The following KCNT2 variants were observed in gnomAD, a reference collection of about 807,000 sequenced individuals.
KCNT2 encodes potassium channel subfamily T member 2.
A neutral mutation model predicts 153.8 loss-of-function variants in KCNT2; 67 were observed. That is an observed-to-expected ratio of 0.44 (90% CI 0.36 to 0.53). The LOEUF is 0.53. Ranked by LOEUF, KCNT2 falls within the 20% of genes least tolerant of loss-of-function variation. KCNT2 has a pLI of 0.00. For missense variants in KCNT2, 975 were observed against 1,354.8 expected, an observed-to-expected ratio of 0.72 and a Z score of 4.40; for synonymous variants, 500 against 458.8, an observed-to-expected ratio of 1.09 and a Z score of -1.15.
chr1:196,253,260 C>G (rs1274881768), intron 26 of KCNT2, among the ~76,000 whole-genome samples: 1 of 151,348 alleles, frequency 6.6e-6, no homozygotes, highest in East Asian at 1.9e-4. Flanking sequence ...CCCTCCTTCT[C>G]TCTATACTGT....
At chr1:196,383,977 G>C (rs78432733) in intron 13 of KCNT2, among the ~76,000 whole-genome samples, 4,413 of 152,166 alleles carry the variant, frequency 0.029, 204 homozygotes, top group African/African-American at 0.098. Flanking sequence ...TTCTTATGTA[G>C]TTAACAATAC....
At chr1:196,533,016 C>T (rs1052374248) in intron 1 of KCNT2, among the ~76,000 whole-genome samples, 6 of 152,078 alleles carry the variant, frequency 3.9e-5, no homozygotes, top group African/African-American at 1.2e-4. Flanking sequence ...ATAATCAGCA[C>T]ATGCAGAGAT....
chr1:196,434,657 T>A (rs1674462352), intron 8 of KCNT2, among the ~76,000 whole-genome samples: 1 of 151,982 alleles, frequency 6.6e-6, no homozygotes. Context: ...TTTTGCAATA[T>A]AATATTCCTG....
chr1:196,560,397 T>C (rs1049047781), intron 1 of KCNT2, among the ~76,000 whole-genome samples: 2 of 151,986 alleles, frequency 1.3e-5, no homozygotes, highest in Non-Finnish European at 2.9e-5. Context: ...GTTGAAAATA[T>C]GGAGACTTCT....
At chr1:196,538,560 A>G (rs1329124819) in intron 1 of KCNT2, among the ~76,000 whole-genome samples, 1 of 152,176 alleles carries the variant, frequency 6.6e-6, no homozygotes, top group African/African-American at 2.4e-5. Flanking sequence ...TACAGACAAT[A>G]GTGGCTATGA....
At chr1:196,261,798 A>G (rs1657049516) in intron 25 of KCNT2, among the ~76,000 whole-genome samples, 1 of 151,936 alleles carries the variant, frequency 6.6e-6, no homozygotes, top group African/African-American at 2.4e-5. Flanking sequence ...CAGAACTCTG[A>G]CTTTTCTATT....
chr1:196,570,451 G>C (rs76089708), intron 1 of KCNT2, among the ~76,000 whole-genome samples: 8,776 of 152,044 alleles, frequency 0.058, 393 homozygotes, highest in Non-Finnish European at 0.085. Context: ...ACATACTTGT[G>C]GGAACCTCAT....
At chr1:196,236,721 A>T (rs1654475395) in intron 26 of KCNT2, among the ~76,000 whole-genome samples, 1 of 151,596 alleles carries the variant, frequency 6.6e-6, no homozygotes, top group Non-Finnish European at 1.5e-5. Flanking sequence ...TTAAAATGAA[A>T]AGCTGAACCC....
At chr1:196,491,343 T>C (rs558512698) in intron 2 of KCNT2, among the ~76,000 whole-genome samples, 1 of 152,132 alleles carries the variant, frequency 6.6e-6, no homozygotes. Flanking sequence ...CTGAGCAGTA[T>C]GACTTAAATA....
At position 196,340,528 on chromosome 1, in the gene KCNT2, T is replaced by C. The variant is rs2148152964; in HGVS notation, c.1596A>G (p.Lys532=). 3 of 1,610,904 alleles carry C rather than the reference T, an allele frequency of 1.9e-6. No individual in the cohort carries two copies. Among genetic ancestry groups the C allele is most frequent in the East Asian group, 2.2e-5 (1 of 44,688 alleles). The change falls in exon 16 of 28, where the codon AAA becomes AAG. Residue 532 remains lysine (K), a synonymous_variant. Coordinates refer to ENST00000294725, the MANE Select transcript of KCNT2 (RefSeq NM_198503.5). ...GAGGACCTGGATTCAGCAAAATGTT[T>C]TTATTATCCTCCCTCCTAACACCAA... The part of the protein sequence containing the change: ...CLIGVRREDN[K]NILLNPGPRY...
intron 4 of KCNT2, among the ~76,000 whole-genome samples, chr1:196,480,952 G>T (rs1454516454): frequency 7.0e-6 from 1 of 142,394 alleles, no homozygotes; most frequent in Non-Finnish European, 1.5e-5. Context: ...AAATATATTT[G>T]AAGATAATAT....
chr1:196,246,470 AT>A (rs1655456951), intron 26 of KCNT2, among the ~76,000 whole-genome samples: 1 of 152,270 alleles, frequency 6.6e-6, no homozygotes, highest in African/African-American at 2.4e-5. Context: ...ACACACAAAA[AT>A]ATACTATTGT....
chr1:196,405,170 T>A (rs1015044444), intron 12 of KCNT2, among the ~76,000 whole-genome samples: 2 of 151,548 alleles, frequency 1.3e-5, no homozygotes, highest in African/African-American at 4.8e-5. Context: ...CTTCATTTTT[T>A]TTTTTCTAAA....
intron 1 of KCNT2, among the ~76,000 whole-genome samples, chr1:196,508,803 G>A (rs537833033): frequency 2.0e-5 from 3 of 152,294 alleles, no homozygotes; most frequent in African/African-American, 7.2e-5. Flanking sequence ...TTGCAGATAT[G>A]TGAATCAAAG....
At chr1:196,479,140 T>G in intron 5 of KCNT2, 39 bp downstream of exon 5, 1 of 1,221,194 alleles carries the variant, frequency 8.2e-7, no homozygotes, top group Non-Finnish European at 1.2e-6. Context: ...ACTACAGATG[T>G]GTTCTATCAG....
intron 24 of KCNT2, among the ~76,000 whole-genome samples, chr1:196,281,342 G>T (rs1252069348): frequency 1.3e-5 from 2 of 152,174 alleles, no homozygotes; most frequent in Non-Finnish European, 2.9e-5. Context: ...AGGCAATAGA[G>T]CACTGGTAAT....
chr1:196,529,562 G>T (rs1041516668), intron 1 of KCNT2, among the ~76,000 whole-genome samples: 31 of 152,176 alleles, frequency 2.0e-4, no homozygotes, highest in African/African-American at 7.5e-4. Context: ...CATGATCAAA[G>T]AAATGGAGGC....
chr1:196,430,307 G>A (rs537508851), intron 8 of KCNT2, among the ~76,000 whole-genome samples: 3 of 151,664 alleles, frequency 2.0e-5, no homozygotes, highest in Admixed American at 2.0e-4. Context: ...GAGGTGTTTA[G>A]GTCATAAGGG....
chr1:196,308,513 A>G (rs1297039978), intron 21 of KCNT2, among the ~76,000 whole-genome samples: 1 of 152,006 alleles, frequency 6.6e-6, no homozygotes, highest in Non-Finnish European at 1.5e-5. Flanking sequence ...TTCCTGCCTA[A>G]TATTTTTATC....
Sources: gnomAD v4.1 joint callset for allele counts (sites outside exome capture counted in the v4.1 genomes callset) on GRCh38, gnomAD v4.1.1 for gene constraint, MANE v1.5 for transcripts, NCBI Gene and HGNC (gene_info 2026-07-23, HGNC 2026-07-21) for gene names.